Variants in RANBP2 observed in about 807,000 individuals in gnomAD.
RANBP2 encodes the protein RAN binding protein 2.
Under a neutral mutation model 303.6 loss-of-function variants are expected in RANBP2, and 57 were observed. The ratio of observed to expected loss-of-function variants is 0.19; its 90% confidence interval spans 0.15 to 0.23. The LOEUF (loss-of-function observed/expected upper bound fraction) is 0.23, where lower values mean the gene tolerates loss of function less well. Ranked by LOEUF, RANBP2 falls within the 10% of genes least tolerant of loss-of-function variation. RANBP2 has a pLI of 1.00. For missense variants in RANBP2, 3,138 were observed against 3,780.8 expected (o/e 0.83, Z 4.46); for synonymous variants, 1,167 against 1,301.5 (o/e 0.90, Z 2.23).
the RANBP2 span, among the ~76,000 whole-genome samples, chr2:109,277,869 T>C: frequency 6.6e-6 from 1 of 152,176 alleles, no homozygotes; most frequent in African/African-American, 2.4e-5. Context: ...TACAAGGGCA[T>C]TTCTTCTGCT....
the RANBP2 span, among the ~76,000 whole-genome samples, chr2:109,331,971 G>A: frequency 6.6e-6 from 1 of 152,218 alleles, no homozygotes; most frequent in East Asian, 1.9e-4. Context: ...TCCTGGTGCT[G>A]TGACTGTCTG....
chr2:109,654,415 G>C, the RANBP2 span, among the ~76,000 whole-genome samples: 2 of 151,870 alleles, frequency 1.3e-5, no homozygotes, highest in African/African-American at 4.8e-5. Flanking sequence ...TAAGCTAAGA[G>C]TTTAAGGCCC....
At chr2:108,750,798 A>G (rs1675822201) in intron 9 of RANBP2, among the ~76,000 whole-genome samples, 1 of 152,202 alleles carries the variant, frequency 6.6e-6, no homozygotes, top group South Asian at 2.1e-4. Context: ...CATGCTGGCC[A>G]GGCTGGTCTC....
At chr2:109,676,083 T>TG in the RANBP2 span, among the ~76,000 whole-genome samples, 1 of 152,230 alleles carries the variant, frequency 6.6e-6, no homozygotes, top group African/African-American at 2.4e-5. Flanking sequence ...CCATCAGTCT[T>TG]GCTCTGTGTG....
the RANBP2 span, chr2:108,876,028 T>A: frequency 3.8e-6 from 4 of 1,060,900 alleles, no homozygotes; most frequent in Non-Finnish European, 5.5e-6. Flanking sequence ...TCTGTCAGTG[T>A]CATTGCAGAT....
the RANBP2 span, among the ~76,000 whole-genome samples, chr2:109,446,621 G>T: frequency 8.5e-5 from 13 of 152,188 alleles, no homozygotes; most frequent in Admixed American, 6.5e-4. Flanking sequence ...GCAGCTATGA[G>T]GGAGGTGAGG....
the RANBP2 span, among the ~76,000 whole-genome samples, chr2:109,683,089 T>C: frequency 6.6e-6 from 1 of 152,190 alleles, no homozygotes; most frequent in African/African-American, 2.4e-5. Flanking sequence ...CACTGCAACC[T>C]CTGCCTCCTG....
At chr2:109,206,634 C>A in the RANBP2 span, among the ~76,000 whole-genome samples, 1 of 151,766 alleles carries the variant, frequency 6.6e-6, no homozygotes, top group Non-Finnish European at 1.5e-5. Flanking sequence ...ATAAGTAAGA[C>A]CCTGTCTCTA....
At chr2:109,090,308 C>CCACA in the RANBP2 span, among the ~76,000 whole-genome samples, 361 of 132,830 alleles carry the variant, frequency 2.7e-3, 6 homozygotes, top group African/African-American at 8.1e-3. Flanking sequence ...GGACACCTCG[C>CCACA]CTCACACACA....
the RANBP2 span, among the ~76,000 whole-genome samples, chr2:109,193,357 T>G: frequency 6.6e-6 from 1 of 152,222 alleles, no homozygotes; most frequent in African/African-American, 2.4e-5. Flanking sequence ...TTTTAGTATA[T>G]TCAACATATA....
chr2:108,775,740 G>C lies in RANBP2; in HGVS notation c.8301G>C (p.Gln2767His). 1 of 1,613,666 alleles carries C rather than the reference G, an allele frequency of 6.2e-7. No individual in the cohort carries two copies. Among genetic ancestry groups the C allele is most frequent in the Non-Finnish European group, 8.5e-7 (1 of 1,179,886 alleles). ...TGACTTCCTCTTTGCAGAAATCTCA[G>C]ACAGAAGAAATAACTAGCACAACTG... The part of the protein sequence containing the change: ...LQKVQEAQKS[Q>H]TEEITSTTDS... The change falls in exon 24 of 29, where the codon CAG becomes CAC. Residue 2767 changes from glutamine to histidine, a missense_variant. Coordinates refer to ENST00000283195, the MANE Select transcript of RANBP2 (RefSeq NM_006267.5).
chr2:108,755,490 A>G (rs1035781031), intron 17 of RANBP2, among the ~76,000 whole-genome samples: 9 of 151,954 alleles, frequency 5.9e-5, no homozygotes, highest in Non-Finnish European at 8.8e-5. Flanking sequence ...TCCTAGCTCA[A>G]GAGAGGCTCT....
At chr2:109,251,356 C>T in the RANBP2 span, 139 of 583,002 alleles carry the variant, frequency 2.4e-4, no homozygotes, top group African/African-American at 1.7e-3. Context: ...CCCGGCCTGC[C>T]GCGGGAGCAT....
chr2:109,253,820 G>A, the RANBP2 span, among the ~76,000 whole-genome samples: 1 of 152,156 alleles, frequency 6.6e-6, no homozygotes, highest in South Asian at 2.1e-4. Flanking sequence ...TTTATAATTT[G>A]TAATTTAAGA....
chr2:109,305,301 C>T, the RANBP2 span, among the ~76,000 whole-genome samples: 2 of 152,096 alleles, frequency 1.3e-5, no homozygotes, highest in Admixed American at 1.3e-4. Flanking sequence ...TGAGGCCTGT[C>T]ATGAAGTTCC....
the RANBP2 span, among the ~76,000 whole-genome samples, chr2:109,569,433 T>C: frequency 7.7e-6 from 1 of 129,838 alleles, no homozygotes; most frequent in Non-Finnish European, 1.6e-5. Flanking sequence ...AGCAAAACTC[T>C]TGTTAAAAAA....
the RANBP2 span, among the ~76,000 whole-genome samples, chr2:109,345,212 G>A: frequency 6.6e-5 from 10 of 152,258 alleles, no homozygotes; most frequent in South Asian, 1.2e-3. Context: ...AGTTGGGGCC[G>A]CAGTTACACA....
At chr2:109,266,191 GT>G in the RANBP2 span, among the ~76,000 whole-genome samples, 3 of 150,652 alleles carry the variant, frequency 2.0e-5, no homozygotes, top group African/African-American at 7.3e-5. Context: ...GCATGTGTGT[GT>G]TGTGTGTTGT....
chr2:108,866,163 G>A, the RANBP2 span, among the ~76,000 whole-genome samples: 19 of 152,312 alleles, frequency 1.2e-4, no homozygotes, highest in Middle Eastern at 3.4e-3. Context: ...CATGGGGATT[G>A]TTGTGGAATC....
Sources: allele counts gnomAD v4.1 joint callset (sites outside exome capture counted in the v4.1 genomes callset), GRCh38; gene constraint gnomAD v4.1.1; transcripts MANE v1.5; gene names NCBI Gene and HGNC (gene_info 2026-07-23, HGNC 2026-07-21).